Variants in SCN8A observed in about 807,000 individuals in gnomAD.
The protein encoded by SCN8A is sodium voltage-gated channel alpha subunit 8.
SCN8A carries 30 observed loss-of-function variants against 184.1 expected under a neutral mutation model. The observed-to-expected ratio is 0.16, with a 90% CI of 0.12 to 0.22. SCN8A has a LOEUF of 0.22. SCN8A is among the 10% of genes least tolerant of loss of function. SCN8A has a pLI of 1.00. For missense variants in SCN8A, 1,057 were observed against 2,498.9 expected, an observed-to-expected ratio of 0.42 and a Z score of 12.30; for synonymous variants, 852 against 907.0, an observed-to-expected ratio of 0.94 and a Z score of 1.09.
chr12:51,761,252 C>T (rs1409032680), intron 14 of SCN8A, among the ~76,000 whole-genome samples: 1 of 151,990 alleles, frequency 6.6e-6, no homozygotes, highest in African/African-American at 2.4e-5. Flanking sequence ...GAAGTGCAGG[C>T]ACTCTGTCAG....
At chr12:51,745,515 T>A (rs563872724) in intron 12 of SCN8A, among the ~76,000 whole-genome samples, 35 of 152,328 alleles carry the variant, frequency 2.3e-4, no homozygotes, top group African/African-American at 8.2e-4. Context: ...ACTTACTTCG[T>A]CATGTGGACC....
chr12:51,789,195 A>T (rs1938173697), intron 23 of SCN8A, 86 bp from the exon 24 acceptor site: 1 of 1,443,212 alleles, frequency 6.9e-7, no homozygotes, highest in East Asian at 2.3e-5. Context: ...AGCAGCTCAA[A>T]TGGTCACAGT....
At chr12:51,737,549 T>C (rs1018887917) in intron 12 of SCN8A, among the ~76,000 whole-genome samples, 1 of 152,224 alleles carries the variant, frequency 6.6e-6, no homozygotes, top group Non-Finnish European at 1.5e-5. Flanking sequence ...TAGTAATTTT[T>C]GAAAGTCATT....
intron 20 of SCN8A, among the ~76,000 whole-genome samples, chr12:51,778,098 A>T (rs1937767974): frequency 6.6e-6 from 1 of 152,106 alleles, no homozygotes; most frequent in Admixed American, 6.5e-5. Flanking sequence ...GCTTTTGTGG[A>T]CCATAGTTTA....
At chr12:51,696,952 T>C (rs906864208) in intron 6 of SCN8A, among the ~76,000 whole-genome samples, 6 of 148,864 alleles carry the variant, frequency 4.0e-5, no homozygotes, top group Admixed American at 3.4e-4. Context: ...GGCAGGAGAA[T>C]CGCTTGAACC....
chr12:51,639,728 C>T (rs978844686), intron 1 of SCN8A, among the ~76,000 whole-genome samples: 20 of 151,736 alleles, frequency 1.3e-4, no homozygotes, highest in African/African-American at 2.4e-4. Context: ...TCCCATTCTT[C>T]GGCAACCACC....
At chr12:51,660,760 G>A (rs994641508) in intron 1 of SCN8A, among the ~76,000 whole-genome samples, 6 of 152,166 alleles carry the variant, frequency 3.9e-5, no homozygotes, top group African/African-American at 9.7e-5. Context: ...CCAGCAAGGT[G>A]CTTGGAATAA....
chr12:51,809,703 A>AAT lies in SCN8A; in HGVS notation c.*2280_*2281dup, dbSNP rs1336511507. Reference sequence around the variant, plus strand: ...TTTTTAAGAGAATTATAAATACTGTAATATATAATTTTATTTTATTGGCAT... The same window carrying AAT: ...TTTTTAAGAGAATTATAAATACTGTAATATATATAATTTTATTTTATTGGCAT... On this transcript the variant is annotated 3_prime_UTR_variant, in exon 27 of 27. Transcript: ENST00000627620. The AAT allele has an allele frequency of 1.3e-5, 2 of 152,250 alleles. No homozygotes were observed. The highest frequency in any genetic ancestry group is 2.9e-5 in the Non-Finnish European group (2 of 68,042). The allele number at this position is 152,250 out of a possible 1,614,324, so 9.4% of individuals were successfully genotyped here.
At chr12:51,740,652 T>C (rs953942548) in intron 12 of SCN8A, among the ~76,000 whole-genome samples, 1 of 152,212 alleles carries the variant, frequency 6.6e-6, no homozygotes, top group Non-Finnish European at 1.5e-5. Flanking sequence ...TCTGTAAATA[T>C]CTCTTAGGTC....
chr12:51,627,203 CTCTT>C (rs1433849085), intron 1 of SCN8A, among the ~76,000 whole-genome samples: 1 of 152,118 alleles, frequency 6.6e-6, no homozygotes, highest in African/African-American at 2.4e-5. Flanking sequence ...AGATGTCTTC[CTCTT>C]TCTAAAGCCT....
intron 12 of SCN8A, among the ~76,000 whole-genome samples, chr12:51,729,930 T>G (rs1942213933): frequency 6.6e-6 from 1 of 152,204 alleles, no homozygotes. Flanking sequence ...TTTCCTATGT[T>G]TTTTGGTTTC....
chr12:51,788,667 C>G, intron 22 of SCN8A, 28 bp from the exon 23 acceptor site: 1 of 1,588,674 alleles, frequency 6.3e-7, no homozygotes, highest in Non-Finnish European at 8.6e-7. Context: ...TTTATAGGCA[C>G]CGTCTAATGA....
chr12:51,783,800 G>A (rs1360278461), intron 21 of SCN8A, among the ~76,000 whole-genome samples: 2 of 152,298 alleles, frequency 1.3e-5, no homozygotes, highest in African/African-American at 2.4e-5. Context: ...CAACAATAAT[G>A]TCCGAGACAT....
intron 1 of SCN8A, among the ~76,000 whole-genome samples, chr12:51,649,742 G>A (rs1016587148): frequency 4.6e-5 from 7 of 152,168 alleles, no homozygotes; most frequent in African/African-American, 1.7e-4. Flanking sequence ...TAGGCCTCTG[G>A]GCCTGTGATG....
At chr12:51,627,325 A>G (rs995694184) in intron 1 of SCN8A, among the ~76,000 whole-genome samples, 1 of 152,210 alleles carries the variant, frequency 6.6e-6, no homozygotes, top group African/African-American at 2.4e-5. Flanking sequence ...GTGCAATACA[A>G]TTGTAAAGTA....
At position 51,678,272 on chromosome 12, in the gene SCN8A, C is replaced by T. The variant is rs1941260927; in HGVS notation, c.277-5902C>T. Among the ~76,000 whole-genome samples, 3 of 152,156 alleles carry T rather than the reference C, an allele frequency of 2.0e-5. No homozygotes were observed. The South Asian group carries it at 6.2e-4, about 32-fold the overall frequency. ...AAAGCATTGTGTGACGCAGTTCTGC[C>T]TTGGGGCTGCTCTATGCTCCCCCCT... On this transcript the variant is annotated intron_variant, in intron 2 of 26. Transcript: ENST00000627620.
intron 26 of SCN8A, among the ~76,000 whole-genome samples, chr12:51,803,551 G>GTAC: frequency 6.6e-6 from 1 of 152,008 alleles, no homozygotes; most frequent in Middle Eastern, 3.4e-3. Context: ...CCCTTAAATG[G>GTAC]TGTTTCTACT....
At chr12:51,713,922 AC>A (rs1175286409) in intron 11 of SCN8A, among the ~76,000 whole-genome samples, 5 of 151,844 alleles carry the variant, frequency 3.3e-5, no homozygotes, top group African/African-American at 1.2e-4. Flanking sequence ...CATGATTAAC[AC>A]AAATTATATA....
chr12:51,776,149 C>T (rs1223249163), intron 20 of SCN8A, among the ~76,000 whole-genome samples: 1 of 152,206 alleles, frequency 6.6e-6, no homozygotes, highest in Non-Finnish European at 1.5e-5. Context: ...ACCACCATGC[C>T]TGGCTAATTT....
Sources: gnomAD v4.1 joint callset for allele counts (sites outside exome capture counted in the v4.1 genomes callset) on GRCh38, gnomAD v4.1.1 for gene constraint, MANE v1.5 for transcripts, NCBI Gene and HGNC (gene_info 2026-07-23, HGNC 2026-07-21) for gene names.